Variants in RANBP17 observed in about 807,000 individuals in gnomAD.
RANBP17 encodes the protein RAN binding protein 17.
RANBP17 carries 158 observed loss-of-function variants against 141.2 expected under a neutral mutation model. The observed-to-expected ratio is 1.12, with a 90% CI of 0.98 to 1.28. The LOEUF (loss-of-function observed/expected upper bound fraction) is 1.28. RANBP17 is among the 50% of genes most tolerant of loss of function. RANBP17 has a pLI of 0.00. For synonymous variants in RANBP17, 430 were observed against 450.0 expected (o/e 0.96, Z 0.56); for missense variants, 1,438 against 1,290.7 (o/e 1.11, Z -1.75).
chr5:170,907,853 T>A (rs1242724176), intron 5 of RANBP17, among the ~76,000 whole-genome samples: 1 of 151,862 alleles, frequency 6.6e-6, no homozygotes, highest in Non-Finnish European at 1.5e-5. Flanking sequence ...AAGAGAGGCA[T>A]TAAAAATAAG....
chr5:171,120,809 T>A (rs1170301530), intron 14 of RANBP17, among the ~76,000 whole-genome samples: 22 of 152,224 alleles, frequency 1.4e-4, no homozygotes, highest in Admixed American at 1.4e-3. Context: ...CTAGGTTGAT[T>A]TCTATACATC....
intron 14 of RANBP17, chr5:170,983,194 A>C (rs1290608107): frequency 9.1e-6 from 4 of 441,188 alleles, no homozygotes; most frequent in Non-Finnish European, 1.7e-5. Context: ...CTCGGATAAC[A>C]GCTGTGCCTC....
At position 170,916,104 on chromosome 5, in the gene RANBP17, G is replaced by A. The variant is rs934846631; in HGVS notation, c.835-361G>A. On this transcript the variant is annotated intron_variant, in intron 8 of 27. Coordinates refer to ENST00000523189, the MANE Select transcript of RANBP17 (RefSeq NM_022897.5). ...ATTATATTCTATATTGCATTATCAT[G>A]CGTTATATTCTATATTGCATTATCA... Among the ~76,000 whole-genome samples, 48 of 147,266 alleles carry A rather than the reference G, an allele frequency of 3.3e-4. 1 individual carries two copies. The highest frequency in any genetic ancestry group is 5.7e-4 in the Non-Finnish European group (38 of 66,656).
chr5:171,003,776 A>AG (rs1261342380), intron 14 of RANBP17, among the ~76,000 whole-genome samples: 1 of 152,222 alleles, frequency 6.6e-6, no homozygotes, highest in Non-Finnish European at 1.5e-5. Flanking sequence ...AGTACAGCCC[A>AG]GGTAAGCTAC....
At chr5:170,946,668 A>G (rs1774788626) in intron 12 of RANBP17, among the ~76,000 whole-genome samples, 1 of 152,132 alleles carries the variant, frequency 6.6e-6, no homozygotes, top group Admixed American at 6.6e-5. Flanking sequence ...CACCTTATTC[A>G]GTATATATTG....
At position 171,298,730 on chromosome 5, in the gene RANBP17, C is replaced by T. The variant is rs767586770; in HGVS notation, c.3171-32C>T. Reference sequence around the variant, plus strand: ...AATTCATGGAGGCTTTGCCTCATTACTACCCTTGACCCTTTCTTCCTCTTT... The same window carrying T: ...AATTCATGGAGGCTTTGCCTCATTATTACCCTTGACCCTTTCTTCCTCTTT... On this transcript the variant is annotated intron_variant, in intron 27 of 27. Transcript: ENST00000523189. The T allele has an allele frequency of 5.8e-6, 9 of 1,560,320 alleles. No homozygotes were observed. In the Middle Eastern group the frequency reaches 8.4e-4, roughly 145 times the overall value.
rs58623197 is a variant in RANBP17 at position 171,053,878 on chromosome 5, CATATATATATATATATATATATAT to C, written c.1710+85525_1710+85548del. ...CTTCAAATCCTGTCAGTGTTTAGTT[CATATATATATATATATATATATAT>C]ATATATATATATATATATATATAAT... On this transcript the variant is annotated intron_variant, in intron 14 of 27. Transcript: ENST00000523189. 2.5e-3 allele frequency among the ~76,000 whole-genome samples: 43 copies of C among 17,222 alleles called. 1 individual carries two copies. Among genetic ancestry groups the C allele is most frequent in the East Asian group, 0.011 (3 of 266 alleles). The allele number at this position is 17,222 out of a possible 152,430, so 11.3% of individuals were successfully genotyped here.
intron 1 of RANBP17, among the ~76,000 whole-genome samples, chr5:170,870,212 T>C (rs911133312): frequency 6.6e-6 from 1 of 152,176 alleles, no homozygotes; most frequent in Non-Finnish European, 1.5e-5. Context: ...TAAATACATA[T>C]TTAATTTTAC....
At chr5:171,297,516 G>C (rs1421064794) in intron 27 of RANBP17, among the ~76,000 whole-genome samples, 1 of 152,182 alleles carries the variant, frequency 6.6e-6, no homozygotes, top group Non-Finnish European at 1.5e-5. Context: ...CCTGGGCTTT[G>C]GTAATACATG....
At chr5:171,080,799 C>T (rs182354697) in intron 14 of RANBP17, among the ~76,000 whole-genome samples, 54 of 152,246 alleles carry the variant, frequency 3.5e-4, no homozygotes, top group Admixed American at 2.7e-3. Context: ...ATAGAACACT[C>T]TTCATCATTA....
intron 14 of RANBP17, among the ~76,000 whole-genome samples, chr5:171,084,209 GTGTT>G (rs1040628797): frequency 3.3e-5 from 5 of 149,284 alleles, no homozygotes; most frequent in African/African-American, 1.2e-4. Context: ...AGAATATGCA[GTGTT>G]TGTTTTTTTG....
At chr5:171,157,191 A>G (rs946079901) in intron 14 of RANBP17, among the ~76,000 whole-genome samples, 7 of 152,190 alleles carry the variant, frequency 4.6e-5, no homozygotes, top group Non-Finnish European at 7.4e-5. Flanking sequence ...GATAATTGTG[A>G]ATGTTTATTC....
rs544790081 is a variant in RANBP17, at chr5:171,026,615, G to C, written c.1710+58238G>C. On this transcript the variant is annotated intron_variant, in intron 14 of 27. Transcript: ENST00000523189. The stretch of plus-strand genomic sequence containing the variant: ...ATTGTAGAAATGTGAGTGTTTCTTA[G>C]ATTACCAAACATCTGTGAAATCGTG... Among the ~76,000 whole-genome samples, 135 of 152,148 alleles carry C rather than the reference G, an allele frequency of 8.9e-4. 1 individual carries two copies. Among genetic ancestry groups the C allele is most frequent in the Non-Finnish European group, 2.2e-4 (15 of 68,002 alleles).
At chr5:171,293,201 C>G (rs1768609755) in intron 25 of RANBP17, among the ~76,000 whole-genome samples, 1 of 152,206 alleles carries the variant, frequency 6.6e-6, no homozygotes, top group African/African-American at 2.4e-5. Context: ...CCTGTTATTT[C>G]TCTCCTAAGT....
At chr5:171,151,471 A>G (rs1022442419) in intron 14 of RANBP17, among the ~76,000 whole-genome samples, 1 of 152,256 alleles carries the variant, frequency 6.6e-6, no homozygotes, top group Non-Finnish European at 1.5e-5. Flanking sequence ...TCTCTGGTCA[A>G]TAATAAAATT....
intron 5 of RANBP17, among the ~76,000 whole-genome samples, chr5:170,900,180 C>T (rs1254274934): frequency 1.3e-5 from 2 of 152,060 alleles, no homozygotes; most frequent in African/African-American, 4.8e-5. Flanking sequence ...CTACCAATTA[C>T]TGCCTTAATT....
chr5:171,229,388 CTTT>C (rs1270357509), intron 22 of RANBP17, among the ~76,000 whole-genome samples: 1 of 152,044 alleles, frequency 6.6e-6, no homozygotes, highest in African/African-American at 2.4e-5. Context: ...TGAGCATTTA[CTTT>C]TTTGTTGTTT....
intron 12 of RANBP17, among the ~76,000 whole-genome samples, chr5:170,935,187 T>C (rs933140833): frequency 6.6e-6 from 1 of 152,228 alleles, no homozygotes; most frequent in Admixed American, 6.5e-5. Flanking sequence ...CACTGTTTAT[T>C]CTAGTTAGCC....
At chr5:170,975,343 A>G (rs1450230801) in intron 14 of RANBP17, among the ~76,000 whole-genome samples, 1 of 152,114 alleles carries the variant, frequency 6.6e-6, no homozygotes, top group African/African-American at 2.4e-5. Flanking sequence ...AGCCTGACCA[A>G]TATGGTGAAA....
Sources: gnomAD v4.1 joint callset for allele counts (sites outside exome capture counted in the v4.1 genomes callset) on GRCh38, gnomAD v4.1.1 for gene constraint, MANE v1.5 for transcripts, NCBI Gene and HGNC (gene_info 2026-07-23, HGNC 2026-07-21) for gene names.